Variants in PCCA observed in about 807,000 individuals in gnomAD.
PCCA encodes the protein propionyl-CoA carboxylase subunit alpha.
PCCA carries 74 observed loss-of-function variants against 101.3 expected under a neutral mutation model. That is an observed-to-expected ratio of 0.73 (90% confidence interval 0.61 to 0.89). PCCA has a LOEUF of 0.89. Ranked by LOEUF, PCCA falls within the 40% of genes least tolerant of loss-of-function variation. PCCA has a pLI of 0.00. For synonymous variants in PCCA, 294 were observed against 313.6 expected, an observed-to-expected ratio of 0.94 and a Z score of 0.66; for missense variants, 891 against 907.0, an observed-to-expected ratio of 0.98 and a Z score of 0.23.
At chr13:100,242,265 C>T (rs1400930614) in intron 8 of PCCA, among the ~76,000 whole-genome samples, 1 of 152,108 alleles carries the variant, frequency 6.6e-6, no homozygotes, top group Non-Finnish European at 1.5e-5. Context: ...GCTGGGGTGG[C>T]ATACTAATGT....
intron 21 of PCCA, chr13:100,490,302 A>G (rs1194830275): frequency 6.6e-6 from 1 of 152,214 alleles, no homozygotes; most frequent in African/African-American, 2.4e-5. Flanking sequence ...ACTCCAAAGA[A>G]TATCATTTTT....
chr13:100,463,996 T>TA (rs2082342086), intron 21 of PCCA, among the ~76,000 whole-genome samples: 1 of 152,220 alleles, frequency 6.6e-6, no homozygotes, highest in African/African-American at 2.4e-5. Context: ...AATAATGCCT[T>TA]ACGCGTGTAT....
intron 6 of PCCA, among the ~76,000 whole-genome samples, chr13:100,173,214 G>A (rs1383770002): frequency 6.6e-6 from 1 of 152,218 alleles, no homozygotes; most frequent in Non-Finnish European, 1.5e-5. Flanking sequence ...AATAGTGGAA[G>A]CAGCAGTGGT....
At position 100,427,591 on chromosome 13, in the gene PCCA, T is replaced by C. The variant is rs142091655; in HGVS notation, c.1845+1860T>C. Among the ~76,000 whole-genome samples the C allele has an allele frequency of 2.5e-3, 376 of 152,304 alleles. 4 individuals carry two copies. Among genetic ancestry groups the C allele is most frequent in the African/African-American group, 8.7e-3 (362 of 41,582 alleles). On this transcript the variant is annotated intron_variant, in intron 20 of 23. Transcript: ENST00000376285. ...AGTACTTTGCTACTAAAAGAATTAA[T>C]GTGTCTGAAATAAGTGACCCCTTAA...
intron 16 of PCCA, among the ~76,000 whole-genome samples, chr13:100,312,628 A>G (rs913001283): frequency 1.3e-5 from 2 of 152,264 alleles, no homozygotes; most frequent in Non-Finnish European, 2.9e-5. Flanking sequence ...CATGTTCACC[A>G]TGACATTTAC....
chr13:100,121,921 T>C (rs939404742), intron 4 of PCCA, among the ~76,000 whole-genome samples: 4 of 152,262 alleles, frequency 2.6e-5, no homozygotes, highest in Non-Finnish European at 5.9e-5. Flanking sequence ...GGCATCCTTG[T>C]CTTGTTCTTC....
chr13:100,235,311 G>T (rs1289132746), intron 7 of PCCA, among the ~76,000 whole-genome samples: 1 of 142,866 alleles, frequency 7.0e-6, no homozygotes, highest in Admixed American at 7.0e-5. Flanking sequence ...CAATAGAAAA[G>T]AAAAGGTAAT....
In PCCA at chr13:100,493,540, A is replaced by C. The variant is rs837319; in HGVS notation, c.1900-21887A>C. Among the ~76,000 whole-genome samples, 1,358 of 152,288 alleles carry C rather than the reference A, an allele frequency of 8.9e-3. 19 individuals carry two copies. Among genetic ancestry groups the C allele is most frequent in the African/African-American group, 0.031 (1,286 of 41,550 alleles). ...GTTCTTAGGGCTGACTTGAAACTTG[A>C]TAAGACTGCCTCAAGCATGTGCCAC... On this transcript the variant is annotated intron_variant, in intron 21 of 23. Transcript: ENST00000376285.
chr13:100,292,504 C>T (rs1306315204), intron 12 of PCCA, among the ~76,000 whole-genome samples: 1 of 152,188 alleles, frequency 6.6e-6, no homozygotes, highest in Non-Finnish European at 1.5e-5. Flanking sequence ...ACTGAGCACA[C>T]ATTCTTTCTG....
chr13:100,132,190 C>T (rs1350496188), intron 4 of PCCA, among the ~76,000 whole-genome samples: 1 of 135,796 alleles, frequency 7.4e-6, no homozygotes, highest in Non-Finnish European at 1.6e-5. Flanking sequence ...AATAGGATAC[C>T]CATCTTTCAT....
chr13:100,347,167 G>GC (rs1212392046), intron 18 of PCCA, among the ~76,000 whole-genome samples: 2 of 152,134 alleles, frequency 1.3e-5, no homozygotes, highest in African/African-American at 4.8e-5. Flanking sequence ...TAGCCACCAC[G>GC]CCAGCCTAAA....
chr13:100,202,366 TTC>T, intron 6 of PCCA, among the ~76,000 whole-genome samples: 1 of 152,214 alleles, frequency 6.6e-6, no homozygotes, highest in East Asian at 1.9e-4. Flanking sequence ...AGCTCATACT[TTC>T]TTTCCTTGAA....
chr13:100,226,897 T>C (rs1009524892), intron 7 of PCCA, among the ~76,000 whole-genome samples: 1 of 152,204 alleles, frequency 6.6e-6, no homozygotes, highest in Non-Finnish European at 1.5e-5. Flanking sequence ...GATACTGTTA[T>C]TATGTCCATT....
chr13:100,243,212 T>A (rs1192919422), intron 8 of PCCA, among the ~76,000 whole-genome samples: 1 of 152,254 alleles, frequency 6.6e-6, no homozygotes, highest in Non-Finnish European at 1.5e-5. Flanking sequence ...TATTTTGTAG[T>A]AAAATTGACC....
chr13:100,262,592 T>C (rs542553600), intron 9 of PCCA, 137 bp from the exon 10 acceptor site: 7 of 650,380 alleles, frequency 1.1e-5, no homozygotes, highest in African/African-American at 1.8e-5. Flanking sequence ...TAAGCCAAAA[T>C]AAATATTTAA....
chr13:100,453,488 A>AG (rs543566716), intron 21 of PCCA, among the ~76,000 whole-genome samples: 199 of 143,796 alleles, frequency 1.4e-3, no homozygotes, highest in African/African-American at 4.8e-3. Context: ...AAAAAAAAAA[A>AG]AAGAAGAAGA....
chr13:100,337,420 G>A (rs928225523), intron 17 of PCCA, among the ~76,000 whole-genome samples: 1 of 152,202 alleles, frequency 6.6e-6, no homozygotes, highest in Non-Finnish European at 1.5e-5. Context: ...AGCCAGGGAA[G>A]ACATGCCTTA....
chr13:100,135,697 G>A (rs1442083307), intron 4 of PCCA, among the ~76,000 whole-genome samples: 2 of 151,918 alleles, frequency 1.3e-5, no homozygotes, highest in African/African-American at 2.4e-5. Context: ...AGTATGAAGA[G>A]GAAGAGGAGT....
At chr13:100,231,984 G>A (rs548029799) in intron 7 of PCCA, among the ~76,000 whole-genome samples, 77 of 152,114 alleles carry the variant, frequency 5.1e-4, no homozygotes, top group African/African-American at 7.2e-5. Context: ...CATACGCTAT[G>A]TACTCCAACT....
Sources: allele counts gnomAD v4.1 joint callset (sites outside exome capture counted in the v4.1 genomes callset), GRCh38; gene constraint gnomAD v4.1.1; transcripts MANE v1.5; gene names NCBI Gene and HGNC (gene_info 2026-07-23, HGNC 2026-07-21).